Variants in LRRC20 observed in about 807,000 individuals in gnomAD.
LRRC20 encodes leucine rich repeat containing 20.
LRRC20 carries 11 observed loss-of-function variants against 14.4 expected under a neutral mutation model. That is an observed-to-expected ratio of 0.77 (90% CI 0.48 to 1.27). The LOEUF (loss-of-function observed/expected upper bound fraction) is 1.27, where lower values mean the gene tolerates loss of function less well. Ranked by LOEUF, LRRC20 falls within the 50% of genes most tolerant of loss-of-function variation. LRRC20 has a pLI of 0.00. For missense variants in LRRC20, 219 were observed against 251.2 expected, an observed-to-expected ratio of 0.87 and a Z score of 0.87; for synonymous variants, 121 against 107.3, an observed-to-expected ratio of 1.13 and a Z score of -0.79.
chr10:70,358,168 G>C (rs975982488), intron 2 of LRRC20, among the ~76,000 whole-genome samples: 1 of 152,218 alleles, frequency 6.6e-6, no homozygotes, highest in African/African-American at 2.4e-5. Flanking sequence ...GTCACTTATG[G>C]GGCCTCAACC....
intron 1 of LRRC20, among the ~76,000 whole-genome samples, chr10:70,378,154 A>G (rs754389242): frequency 1.3e-5 from 2 of 152,244 alleles, no homozygotes; most frequent in Non-Finnish European, 2.9e-5. Flanking sequence ...ACAGCAGCAT[A>G]TAACCCCAGT....
chr10:70,374,255 C>T (rs543816059), intron 2 of LRRC20, among the ~76,000 whole-genome samples: 44 of 152,232 alleles, frequency 2.9e-4, no homozygotes, highest in African/African-American at 8.4e-4. Flanking sequence ...GCTTCCCCAA[C>T]GCCCCGGTGA....
At chr10:70,368,408 C>T (rs1375844821) in intron 2 of LRRC20, among the ~76,000 whole-genome samples, 4 of 151,960 alleles carry the variant, frequency 2.6e-5, no homozygotes, top group Non-Finnish European at 5.9e-5. Flanking sequence ...CCGCCTGCCT[C>T]GGCCTCCTAA....
At chr10:70,309,279 GCT>G (rs1269821413) in intron 4 of LRRC20, among the ~76,000 whole-genome samples, 5 of 152,232 alleles carry the variant, frequency 3.3e-5, no homozygotes, top group Non-Finnish European at 7.3e-5. Flanking sequence ...AGCAAAGCAG[GCT>G]GCTTCTGGGA....
At chr10:70,346,598 G>T (rs1472066101) in intron 2 of LRRC20, among the ~76,000 whole-genome samples, 2 of 152,094 alleles carry the variant, frequency 1.3e-5, no homozygotes, top group African/African-American at 4.8e-5. Context: ...ATGTTACAGA[G>T]CGTAGGGTTT....
chr10:70,375,744 C>G (rs1197807271), intron 2 of LRRC20, among the ~76,000 whole-genome samples: 4 of 137,036 alleles, frequency 2.9e-5, no homozygotes, highest in Admixed American at 1.6e-4. Flanking sequence ...CACATGCACA[C>G]AAACACACTC....
Position 70,375,213 on chromosome 10 carries a change from C to G in LRRC20, c.82+1239G>C, listed in dbSNP as rs1458882351. Among the ~76,000 whole-genome samples, 9 of 152,348 alleles carry G rather than the reference C, an allele frequency of 5.9e-5. No homozygotes were observed. In the East Asian group the frequency reaches 1.7e-3, roughly 29 times the overall value. Reference sequence around the variant, plus strand: ...AACACCAATGACAATCTTCAGCGAGCCTGCTGATAGAGGAAATGCCTCTCG... The same window carrying G: ...AACACCAATGACAATCTTCAGCGAGGCTGCTGATAGAGGAAATGCCTCTCG... On this transcript the variant is annotated intron_variant, in intron 2 of 4. Transcript: ENST00000446961.
intron 3 of LRRC20, among the ~76,000 whole-genome samples, chr10:70,326,330 A>ACG (rs753636076): frequency 2.1e-4 from 31 of 151,082 alleles, no homozygotes; most frequent in African/African-American, 6.3e-4. Context: ...ACACACACAC[A>ACG]CACGCACGCG....
At chr10:70,335,955 C>T (rs74139081) in intron 3 of LRRC20, among the ~76,000 whole-genome samples, 4 of 152,278 alleles carry the variant, frequency 2.6e-5, no homozygotes, top group South Asian at 2.1e-4. Flanking sequence ...ACCCACAGAC[C>T]GTGGACAAAC....
At chr10:70,335,137 GTGT>G (rs1842681839) in intron 3 of LRRC20, among the ~76,000 whole-genome samples, 1 of 152,198 alleles carries the variant, frequency 6.6e-6, no homozygotes, top group Non-Finnish European at 1.5e-5. Flanking sequence ...GTCAGGGACA[GTGT>G]AAAGAACACA....
At chr10:70,324,164 C>G (rs985562072) in intron 3 of LRRC20, 134 bp from the exon 4 acceptor site, 14 of 740,210 alleles carry the variant, frequency 1.9e-5, no homozygotes, top group Non-Finnish European at 2.7e-5. Flanking sequence ...CAGAGGGAGC[C>G]CCGCACAGGG....
At chr10:70,311,887 G>C (rs1841681389) in intron 4 of LRRC20, among the ~76,000 whole-genome samples, 1 of 152,202 alleles carries the variant, frequency 6.6e-6, no homozygotes, top group Non-Finnish European at 1.5e-5. Flanking sequence ...GAAGCAGAGT[G>C]GGCAGTGTTT....
chr10:70,375,624 C>A (rs529266834), intron 2 of LRRC20, among the ~76,000 whole-genome samples: 1 of 152,308 alleles, frequency 6.6e-6, no homozygotes, highest in South Asian at 2.1e-4. Context: ...TCTCCATGTA[C>A]CTAACTCCAA....
intron 4 of LRRC20, among the ~76,000 whole-genome samples, chr10:70,322,391 C>T (rs142928567): frequency 3.4e-4 from 52 of 152,270 alleles, no homozygotes; most frequent in African/African-American, 1.2e-3. Flanking sequence ...TGAACAGAGA[C>T]GGGAGACGAA....
At chr10:70,340,745 G>C (rs1345962393) in intron 2 of LRRC20, 43 bp from the exon 3 acceptor site, 8 of 1,607,982 alleles carry the variant, frequency 5.0e-6, no homozygotes, top group East Asian at 2.2e-5. Context: ...ATCAGCCACA[G>C]CTGCCCGAGA....
chr10:70,301,382 G>T lies in LRRC20; in HGVS notation c.527C>A (p.Pro176Gln). Reference protein sequence around the residue: ...PLIKFDMLMSPEGARAPLP With the variant: ...PLIKFDMLMSQEGARAPLP ...AGGTAGGGGGGCTCTTGCGCCTTCC[G>T]GAGACATGAGCATGTCAAACTTGAT... Residue 176 changes from proline to glutamine, a missense_variant, in exon 5 of 5, where the codon CCG becomes CAG. Physicochemically the swap from Pro to Gln is moderately conservative, Grantham distance 76. Coordinates refer to ENST00000446961, the MANE Select transcript of LRRC20 (RefSeq NM_001278212.2). 1 of 1,613,644 alleles carries T rather than the reference G, an allele frequency of 6.2e-7. No homozygotes were observed. Among genetic ancestry groups the T allele is most frequent in the Non-Finnish European group, 8.5e-7 (1 of 1,179,978 alleles).
At chr10:70,379,991 G>A (rs1186094804) in intron 1 of LRRC20, among the ~76,000 whole-genome samples, 1 of 152,210 alleles carries the variant, frequency 6.6e-6, no homozygotes, top group Admixed American at 6.5e-5. Flanking sequence ...TGGTCTGACA[G>A]GACGCAGAGT....
chr10:70,322,403 G>C (rs1842123799), intron 4 of LRRC20, among the ~76,000 whole-genome samples: 1 of 152,210 alleles, frequency 6.6e-6, no homozygotes, highest in Non-Finnish European at 1.5e-5. Context: ...GGAGACGAAG[G>C]ACCCAGGCAA....
At chr10:70,349,270 G>A (rs1242430511) in intron 2 of LRRC20, among the ~76,000 whole-genome samples, 1 of 152,208 alleles carries the variant, frequency 6.6e-6, no homozygotes, top group Non-Finnish European at 1.5e-5. Flanking sequence ...TGATCTCAAA[G>A]GTCCCATTCA....
Sources: gnomAD v4.1 joint callset for allele counts (sites outside exome capture counted in the v4.1 genomes callset) on GRCh38, gnomAD v4.1.1 for gene constraint, MANE v1.5 for transcripts, NCBI Gene and HGNC (gene_info 2026-07-23, HGNC 2026-07-21) for gene names.